Variants in ABCC5 observed in about 807,000 individuals in gnomAD.
ABCC5 encodes the protein ATP-binding cassette sub-family C member 5.
Under a neutral mutation model 160.9 loss-of-function variants are expected in ABCC5, and 61 were observed. The observed-to-expected ratio is 0.38, with a 90% CI of 0.31 to 0.47. ABCC5 has a LOEUF of 0.47. ABCC5 is among the 20% of genes least tolerant of loss of function. The pLI is 0.99. For synonymous variants in ABCC5, 666 were observed against 700.6 expected (o/e 0.95, Z 0.78); for missense variants, 1,308 against 1,813.3 (o/e 0.72, Z 5.06).
In ABCC5 at chr3:183,982,802, T is replaced by C. The variant is rs763950402; in HGVS notation, c.797A>G (p.Lys266Arg). ...ACCCAGGGATTTCTCTTTAATGTTC[T>C]TTAACTTAAGGATCTTCTTAAATGC... is the stretch of plus-strand genomic sequence containing the variant. ...TMAFKKILKLKNIKEKSLGEL... is the reference protein window; with the variant it reads ...TMAFKKILKLRNIKEKSLGEL... The change falls in exon 6 of 30, where the codon AAG becomes AGG. Residue 266 changes from lysine to arginine, a missense_variant. Transcript: ENST00000334444. This position sits in a 1 kb window ranked among gnomAD's most constrained non-coding sequence, Gnocchi z 5.2. The C allele has an allele frequency of 6.2e-7, 1 of 1,614,232 alleles. No homozygotes were observed. Among genetic ancestry groups the C allele is most frequent in the East Asian group, 2.2e-5 (1 of 44,886 alleles).
intron 26 of ABCC5, among the ~76,000 whole-genome samples, chr3:183,935,721 C>T (rs1009487390): frequency 6.6e-5 from 10 of 151,588 alleles, no homozygotes; most frequent in Admixed American, 3.3e-4. Flanking sequence ...AGGCTGGTCT[C>T]GAACTCCTGA....
At chr3:183,942,192 A>G (rs975355122) in intron 25 of ABCC5, among the ~76,000 whole-genome samples, 2 of 151,908 alleles carry the variant, frequency 1.3e-5, no homozygotes, top group Non-Finnish European at 2.9e-5. Context: ...AGCATGTGCC[A>G]CCACACCTGG....
Position 183,921,520 on chromosome 3 carries a change from T to A in ABCC5, c.4213-119A>T. ...GGGTAGAATCTGGGGACAATTCAAC[T>A]AGCCCTGCGTGCACCTCCCCCCTTA... On this transcript the variant is annotated intron_variant, in intron 29 of 29. Coordinates refer to ENST00000334444, the MANE Select transcript of ABCC5 (RefSeq NM_005688.4). This position sits in a 1 kb window ranked among gnomAD's most constrained non-coding sequence, Gnocchi z 4.1. 1 of 734,418 alleles carries A rather than the reference T, an allele frequency of 1.4e-6. No homozygotes were observed. Among genetic ancestry groups the A allele is most frequent in the Non-Finnish European group, 2.1e-6 (1 of 484,874 alleles). 45.5% of individuals were successfully genotyped at this position (734,418 alleles called of 1,614,324 possible). A position where few individuals can be genotyped will look rare whatever the true frequency, so the allele number is the denominator to read the frequency against.
At chr3:183,997,695 T>C (rs1475281449) in intron 2 of ABCC5, among the ~76,000 whole-genome samples, 1 of 152,196 alleles carries the variant, frequency 6.6e-6, no homozygotes, top group Admixed American at 6.5e-5. Flanking sequence ...TCCCTTACAT[T>C]CTACATATCA....
rs1428746454 is a variant in ABCC5 at position 183,955,985 on chromosome 3, C to A, written c.2483-2715G>T. 2.8e-5 allele frequency among the ~76,000 whole-genome samples: 4 copies of A among 142,990 alleles called. 2 individuals are homozygous for A. The highest frequency in any genetic ancestry group is 6.1e-5 in the Non-Finnish European group (4 of 65,304). 93.8% of individuals were successfully genotyped at this position (142,990 alleles called of 152,430 possible). A position where few individuals can be genotyped will look rare whatever the true frequency, so the allele number is the denominator to read the frequency against. ...GTGTGTATATCACATCGGTTACATG[C>A]AGCTCCATGTGTATATCACATCGGT... On this transcript the variant is annotated intron_variant, in intron 17 of 29. Transcript: ENST00000334444.
In ABCC5 at chr3:183,980,837, C is replaced by T. The variant is rs987751437; in HGVS notation, c.1147+890G>A. Among the ~76,000 whole-genome samples, 10 of 151,944 alleles carry T rather than the reference C, an allele frequency of 6.6e-5. No individual in the cohort carries two copies. The East Asian group carries it at 1.2e-3, about 18-fold the overall frequency. ...AAGCGATTCTCCTGTCTCTGCCTCACGAATAGCTGGGATTACAGGCATGCA... is the reference window on the plus strand; with the variant it reads ...AAGCGATTCTCCTGTCTCTGCCTCATGAATAGCTGGGATTACAGGCATGCA... On this transcript the variant is annotated intron_variant, in intron 8 of 29. Coordinates refer to ENST00000334444, the MANE Select transcript of ABCC5 (RefSeq NM_005688.4).
intron 29 of ABCC5, among the ~76,000 whole-genome samples, chr3:183,924,010 CTTTTTTTTTTT>C (rs200040197): frequency 8.8e-4 from 99 of 112,770 alleles, no homozygotes; most frequent in Non-Finnish European, 1.0e-3. Context: ...TTACTGTTTG[CTTTTTTTTTTT>C]TTTTTTTTTT....
intron 2 of ABCC5, among the ~76,000 whole-genome samples, chr3:183,992,525 C>T (rs1301348164): frequency 1.3e-5 from 2 of 152,190 alleles, no homozygotes; most frequent in Non-Finnish European, 2.9e-5. Flanking sequence ...AGCATATACG[C>T]CTGTAATCCT....
intron 17 of ABCC5, among the ~76,000 whole-genome samples, chr3:183,954,369 G>A (rs1715672294): frequency 6.6e-6 from 1 of 152,118 alleles, no homozygotes; most frequent in Admixed American, 6.5e-5. Context: ...GGCTGGTCTC[G>A]AACTCCTGAC....
chr3:184,007,422 C>T (rs1721317350), intron 2 of ABCC5, among the ~76,000 whole-genome samples: 1 of 152,060 alleles, frequency 6.6e-6, no homozygotes, highest in South Asian at 2.1e-4. Context: ...GAAAACAAAC[C>T]ACCACCACAA....
chr3:183,938,133 G>T, intron 25 of ABCC5, 73 bp from the exon 26 acceptor site: 1 of 1,425,316 alleles, frequency 7.0e-7, no homozygotes, highest in Non-Finnish European at 9.7e-7. Context: ...TTTAGCCTCA[G>T]GGCAATGCCA....
chr3:184,006,873 G>A (rs1311704813), intron 2 of ABCC5, among the ~76,000 whole-genome samples: 1 of 151,966 alleles, frequency 6.6e-6, no homozygotes, highest in East Asian at 1.9e-4. Flanking sequence ...ATGAATACTT[G>A]CTTTGTTACC....
intron 2 of ABCC5, among the ~76,000 whole-genome samples, chr3:184,004,787 A>C (rs993009937): frequency 6.6e-6 from 1 of 152,222 alleles, no homozygotes; most frequent in African/African-American, 2.4e-5. Flanking sequence ...AAAAGTAAAC[A>C]GAAGGTTGTC....
rs1256866534 is a variant in ABCC5 at position 183,988,851 on chromosome 3, T to C, written c.288-124A>G. ...AGACCAGTCTCCCCAGATGATCTAA[T>C]CTTAGCCTGAATGTTCTAAAACGGC... On this transcript the variant is annotated intron_variant, in intron 3 of 29. Coordinates refer to ENST00000334444, the MANE Select transcript of ABCC5 (RefSeq NM_005688.4). The surrounding 1 kb of genome is among the most constrained non-coding windows in gnomAD (Gnocchi z 4.4). 1.4e-5 allele frequency: 16 copies of C among 1,152,892 alleles called. No homozygotes were observed. The Admixed American group carries it at 4.4e-4, about 32-fold the overall frequency. 71.4% of individuals were successfully genotyped at this position (1,152,892 alleles called of 1,614,324 possible).
intron 5 of ABCC5, chr3:183,983,844 T>C (rs568957806): frequency 4.1e-6 from 4 of 985,388 alleles, no homozygotes; most frequent in East Asian, 1.1e-4. Context: ...AGGTGAAGCA[T>C]TGCAGTAACA....
At position 184,017,753 on chromosome 3, in the gene ABCC5, C is replaced by A. The variant is rs964894447; in HGVS notation, c.-56+77G>T. 6 of 152,504 alleles carry A rather than the reference C, an allele frequency of 3.9e-5. No individual in the cohort carries two copies. The highest frequency in any genetic ancestry group is 1.4e-4 in the African/African-American group (6 of 41,484). 9.4% of individuals were successfully genotyped at this position (152,504 alleles called of 1,614,324 possible). A position where few individuals can be genotyped will look rare whatever the true frequency, so the allele number is the denominator to read the frequency against. On this transcript the variant is annotated intron_variant, in intron 1 of 29. Transcript: ENST00000334444. This position sits in a 1 kb window ranked among gnomAD's most constrained non-coding sequence, Gnocchi z 4.5. The stretch of plus-strand genomic sequence containing the variant: ...GCAGCCCTGGCCACATCCCGCCACG[C>A]CCCGAGGAAATGCAAAGGGGTGATC...
In ABCC5 at chr3:183,921,197, A is replaced by G. The variant is rs755929232; in HGVS notation, c.*103T>C. ...CCGGAACTGCTGTGCGAAAGATAAA[A>G]TCGAGAAAGGCAAGGTTTCGGTAGG... On this transcript the variant is annotated 3_prime_UTR_variant, in exon 30 of 30. Coordinates refer to ENST00000334444, the MANE Select transcript of ABCC5 (RefSeq NM_005688.4). This position sits in a 1 kb window ranked among gnomAD's most constrained non-coding sequence, Gnocchi z 4.1. 60 of 626,920 alleles carry G rather than the reference A, an allele frequency of 9.6e-5. No individual in the cohort carries two copies. The highest frequency in any genetic ancestry group is 1.4e-4 in the Non-Finnish European group (48 of 348,394). The allele number at this position is 626,920 out of a possible 1,614,324, so 38.8% of individuals were successfully genotyped here.
chr3:183,965,582 G>A, intron 12 of ABCC5, 81 bp from the exon 13 acceptor site: 1 of 1,569,080 alleles, frequency 6.4e-7, no homozygotes, highest in Admixed American at 1.7e-5. Context: ...CTTCCACAAT[G>A]GAATCTAGCT....
At chr3:183,926,312 G>A (rs1192997937) in intron 28 of ABCC5, among the ~76,000 whole-genome samples, 1 of 151,680 alleles carries the variant, frequency 6.6e-6, no homozygotes, top group Non-Finnish European at 1.5e-5. Flanking sequence ...AGCACTTTGA[G>A]AGGCCGAGGC....
Sources: gnomAD v4.1 joint callset for allele counts (sites outside exome capture counted in the v4.1 genomes callset) on GRCh38, gnomAD v4.1.1 for gene constraint, Gnocchi (gnomAD v3.1) non-coding constraint, MANE v1.5 for transcripts, NCBI Gene and HGNC (gene_info 2026-07-23, HGNC 2026-07-21) for gene names.